The following TUBB6 variants were observed in gnomAD, a reference collection of about 807,000 sequenced individuals.
The protein encoded by TUBB6 is tubulin beta 6 class V.
Under a neutral mutation model 32.3 loss-of-function variants are expected in TUBB6, and 18 were observed. The ratio of observed to expected loss-of-function variants is 0.56; its 90% CI spans 0.39 to 0.83. TUBB6 has a LOEUF of 0.83. Ranked by LOEUF, TUBB6 falls within the 40% of genes least tolerant of loss-of-function variation. TUBB6 has a pLI of 0.00. For missense variants in TUBB6, 480 were observed against 632.0 expected (o/e 0.76, Z 2.58); for synonymous variants, 280 against 265.8 (o/e 1.05, Z -0.52).
At position 12,310,985 on chromosome 18, in the gene TUBB6, C is replaced by T; in HGVS notation, c.209C>T (p.Pro70Leu). 1.9e-6 allele frequency: 3 copies of T among 1,613,790 alleles called. No homozygotes were observed. Among genetic ancestry groups the T allele is most frequent in the Non-Finnish European group, 2.5e-6 (3 of 1,179,842 alleles). ...VPRAALVDLEPGTMDSVRSGP... is the reference protein window; with the variant it reads ...VPRAALVDLELGTMDSVRSGP... ...AGGGCCGCCCTGGTGGACTTAGAGC[C>T]AGGCACCATGGACAGCGTGCGGTCT... The change falls in exon 3 of 4, where the codon CCA (proline) becomes CTA (leucine). Residue 70 changes from proline (P) to leucine (L), a missense_variant. Coordinates refer to ENST00000317702, the MANE Select transcript of TUBB6 (RefSeq NM_032525.3).
At chr18:12,321,823 T>C (rs573518494) in intron 3 of TUBB6, among the ~76,000 whole-genome samples, 2 of 152,320 alleles carry the variant, frequency 1.3e-5, no homozygotes, top group African/African-American at 4.8e-5. Flanking sequence ...TATTAGAAAT[T>C]AGTATTTCAA....
At chr18:12,313,427 G>A (rs558688034) in intron 3 of TUBB6, among the ~76,000 whole-genome samples, 3 of 152,316 alleles carry the variant, frequency 2.0e-5, no homozygotes, top group East Asian at 3.9e-4. Flanking sequence ...TTTGCGATCA[G>A]GTTACCAATC....
intron 3 of TUBB6, among the ~76,000 whole-genome samples, chr18:12,312,345 A>G (rs978028615): frequency 6.6e-6 from 1 of 150,748 alleles, no homozygotes; most frequent in East Asian, 1.9e-4. Flanking sequence ...GTGACCAAGT[A>G]AGACTGAGAG....
At position 12,325,164 on chromosome 18, in the gene TUBB6, G is replaced by C. The variant is rs144890684; in HGVS notation, c.375G>C (p.Glu125Asp). 11 of 1,613,786 alleles carry C rather than the reference G, an allele frequency of 6.8e-6. No homozygotes were observed. The highest frequency in any genetic ancestry group is 9.3e-6 in the Non-Finnish European group (11 of 1,179,838). Residue 125 changes from glutamate to aspartate, a missense_variant, in exon 4 of 4, where the codon GAG becomes GAC. Physicochemically the swap from Glu to Asp is conservative, Grantham distance 45. Coordinates refer to ENST00000317702, the MANE Select transcript of TUBB6 (RefSeq NM_032525.3). ...TGGACGTGGTGCGGAAGGAGTGCGA[G>C]CACTGCGACTGCCTGCAGGGCTTCC... is the stretch of plus-strand genomic sequence containing the variant. ...AVLDVVRKEC[E>D]HCDCLQGFQL...
chr18:12,310,392 G>A (rs1461366813), intron 2 of TUBB6, among the ~76,000 whole-genome samples: 3 of 151,466 alleles, frequency 2.0e-5, no homozygotes, highest in African/African-American at 7.3e-5. Context: ...TTGGGAGGCT[G>A]AGGCAGGAGA....
At chr18:12,324,904 G>A in intron 3 of TUBB6, 163 bp from the exon 4 acceptor site, 1 of 1,451,148 alleles carries the variant, frequency 6.9e-7, no homozygotes, top group South Asian at 1.6e-5. Flanking sequence ...ACGTACCAGT[G>A]CATCTGCTCA....
At chr18:12,316,034 C>T (rs1906656100) in intron 3 of TUBB6, among the ~76,000 whole-genome samples, 2 of 152,248 alleles carry the variant, frequency 1.3e-5, no homozygotes, top group African/African-American at 4.8e-5. Flanking sequence ...GGCTGTCTGG[C>T]CCCGGCCCAG....
intron 3 of TUBB6, among the ~76,000 whole-genome samples, chr18:12,316,105 A>G (rs1045322473): frequency 6.6e-6 from 1 of 152,240 alleles, no homozygotes; most frequent in Non-Finnish European, 1.5e-5. Flanking sequence ...TGCCCCGAGG[A>G]GGCCTCACCC....
chr18:12,312,604 T>C (rs1453074797), intron 3 of TUBB6, among the ~76,000 whole-genome samples: 1 of 152,162 alleles, frequency 6.6e-6, no homozygotes, highest in Non-Finnish European at 1.5e-5. Context: ...GGTTCAACAT[T>C]AAGAAGTCTA....
intron 2 of TUBB6, among the ~76,000 whole-genome samples, chr18:12,309,779 C>T (rs1287616509): frequency 6.6e-6 from 1 of 152,154 alleles, no homozygotes; most frequent in Admixed American, 6.5e-5. Context: ...ACCGTGTCCT[C>T]ACCGGGAACA....
At chr18:12,324,969 C>T (rs779433119) in intron 3 of TUBB6, 98 bp from the exon 4 acceptor site, 3 of 1,510,896 alleles carry the variant, frequency 2.0e-6, no homozygotes, top group Admixed American at 4.5e-5. Context: ...GCTAACAGCA[C>T]ATCATGGAAT....
intron 3 of TUBB6, among the ~76,000 whole-genome samples, chr18:12,315,321 C>T (rs969100096): frequency 1.3e-5 from 2 of 152,186 alleles, no homozygotes; most frequent in Non-Finnish European, 1.5e-5. Flanking sequence ...TCTTGATTCA[C>T]TTAAATTTGT....
rs940135334 is a variant in TUBB6 at position 12,323,932 on chromosome 18, AT to A, written c.278-1132del. Among the ~76,000 whole-genome samples the A allele has an allele frequency of 6.5e-4, 99 of 152,326 alleles. 1 individual carries two copies. The highest frequency in any genetic ancestry group is 2.3e-3 in the African/African-American group (96 of 41,570). On this transcript the variant is annotated intron_variant, in intron 3 of 3. Coordinates refer to ENST00000317702, the MANE Select transcript of TUBB6 (RefSeq NM_032525.3). The stretch of plus-strand genomic sequence containing the variant: ...CCTTTTCTCAACTGGCCTGGAAACA[AT>A]TTGAGGGCAGGAATTACTTCCTGTG...
rs1907240391 is a variant in TUBB6 at position 12,325,427 on chromosome 18, G to A, written c.638G>A (p.Arg213His). 2.5e-6 allele frequency: 4 copies of A among 1,614,214 alleles called. No individual in the cohort carries two copies. The highest frequency in any genetic ancestry group is 1.3e-5 in the African/African-American group (1 of 75,064). ...DNEALYDICF[R>H]TLKLTTPTYG... is the part of the protein sequence containing the mutation. ...GAGGCGCTCTATGACATCTGCTTCC[G>A]CACTCTGAAGCTGACAACGCCCACC... is the stretch of plus-strand genomic sequence containing the variant. Residue 213 changes from arginine to histidine, a missense_variant, in exon 4 of 4, where the codon CGC (arginine) becomes CAC (histidine). Physicochemically the swap from Arg to His is conservative, Grantham distance 29. Transcript: ENST00000317702.
chr18:12,318,263 G>A (rs1906778434), intron 3 of TUBB6, among the ~76,000 whole-genome samples: 1 of 151,586 alleles, frequency 6.6e-6, no homozygotes, highest in Non-Finnish European at 1.5e-5. Context: ...TAGGTTGGGT[G>A]GGGAAGGGGT....
chr18:12,322,595 C>A (rs1367406421), intron 3 of TUBB6, among the ~76,000 whole-genome samples: 1 of 152,122 alleles, frequency 6.6e-6, no homozygotes, highest in Non-Finnish European at 1.5e-5. Flanking sequence ...TAATAGCTCA[C>A]TATTTGATTT....
intron 3 of TUBB6, among the ~76,000 whole-genome samples, chr18:12,313,215 T>C (rs866379262): frequency 1.3e-5 from 2 of 152,162 alleles, no homozygotes; most frequent in African/African-American, 2.4e-5. Flanking sequence ...AATTATTCCA[T>C]GTTCTGAAGG....
intron 3 of TUBB6, among the ~76,000 whole-genome samples, chr18:12,313,930 GCTCT>G (rs1008073485): frequency 2.0e-5 from 3 of 152,204 alleles, no homozygotes; most frequent in South Asian, 2.1e-4. Context: ...CAGAGGGACT[GCTCT>G]CTGAGTACTG....
chr18:12,321,645 T>C (rs1906994634), intron 3 of TUBB6, among the ~76,000 whole-genome samples: 1 of 152,174 alleles, frequency 6.6e-6, no homozygotes, highest in Admixed American at 6.5e-5. Context: ...TGGCTGTGAA[T>C]TGTTGCCACC....
Sources: gnomAD v4.1 joint callset for allele counts (sites outside exome capture counted in the v4.1 genomes callset) on GRCh38, gnomAD v4.1.1 for gene constraint, MANE v1.5 for transcripts, NCBI Gene and HGNC (gene_info 2026-07-23, HGNC 2026-07-21) for gene names.